Variants in L3MBTL3 observed in about 807,000 individuals in gnomAD.
L3MBTL3 encodes the protein lethal(3)malignant brain tumor-like protein 3.
L3MBTL3 carries 27 observed loss-of-function variants against 102.3 expected under a neutral mutation model. That is an observed-to-expected ratio of 0.26 (90% CI 0.19 to 0.36). L3MBTL3 has a LOEUF of 0.36. Among genes scored for constraint, L3MBTL3 ranks in the 10% least tolerant of loss-of-function variants. The pLI is 1.00. For missense variants in L3MBTL3, 798 were observed against 955.3 expected, an observed-to-expected ratio of 0.84 and a Z score of 2.17; for synonymous variants, 340 against 320.9, an observed-to-expected ratio of 1.06 and a Z score of -0.64.
chr6:130,131,766 G>T (rs971784344), intron 20 of L3MBTL3, among the ~76,000 whole-genome samples: 3 of 152,194 alleles, frequency 2.0e-5, no homozygotes, highest in African/African-American at 7.2e-5. Flanking sequence ...TCCTGATGTT[G>T]ACATGACAAT....
intron 9 of L3MBTL3, 106 bp downstream of exon 9, chr6:130,057,603 C>T (rs1341855296): frequency 1.1e-6 from 1 of 930,990 alleles, no homozygotes; most frequent in South Asian, 1.5e-5. Flanking sequence ...ATCATTTTCT[C>T]AGCATACAGT....
intron 2 of L3MBTL3, among the ~76,000 whole-genome samples, chr6:130,036,954 T>C (rs1410780203): frequency 1.3e-5 from 2 of 152,206 alleles, no homozygotes; most frequent in South Asian, 2.1e-4. Context: ...GTTCAAATGG[T>C]GGCCATGCTA....
At chr6:130,105,791 A>C (rs1172810620) in intron 19 of L3MBTL3, among the ~76,000 whole-genome samples, 1 of 152,234 alleles carries the variant, frequency 6.6e-6, no homozygotes, top group East Asian at 1.9e-4. Flanking sequence ...AAGTATCAAC[A>C]GAATACTCAG....
intron 1 of L3MBTL3, chr6:130,019,269 AGCCCAGGC>A (rs895423823): frequency 1.3e-4 from 18 of 137,528 alleles, no homozygotes; most frequent in Non-Finnish European, 1.6e-5. Flanking sequence ...GCGGAGCCGC[AGCCCAGGC>A]GGCGAGCGCG....
intron 2 of L3MBTL3, among the ~76,000 whole-genome samples, chr6:130,023,102 G>T (rs917999016): frequency 6.6e-6 from 1 of 151,004 alleles, no homozygotes; most frequent in Non-Finnish European, 1.5e-5. Context: ...TTTTCTGCCT[G>T]TTTTCCTGCC....
At chr6:130,071,481 A>G (rs563380458) in intron 13 of L3MBTL3, among the ~76,000 whole-genome samples, 1 of 152,132 alleles carries the variant, frequency 6.6e-6, no homozygotes, top group African/African-American at 2.4e-5. Context: ...ATTGAAGAAT[A>G]TTATTTTTAA....
chr6:130,108,295 C>T (rs62432047), intron 19 of L3MBTL3, among the ~76,000 whole-genome samples: 3,415 of 127,802 alleles, frequency 0.027, 64 homozygotes, highest in Admixed American at 0.038. Context: ...AGTGCAGTGG[C>T]GTGATCTTGG....
In L3MBTL3 at chr6:130,055,261, C is replaced by A; in HGVS notation, c.667+6C>A. 2 of 1,604,524 alleles carry A rather than the reference C, an allele frequency of 1.2e-6. No homozygotes were observed. The highest frequency in any genetic ancestry group is 2.2e-5 in the South Asian group (2 of 89,512). ...TTCGGCTGTACTAAAGCAGGGTGAGCTGATGAAAATAAAGTCTTACTTGTA... is the reference window on the plus strand; with the variant it reads ...TTCGGCTGTACTAAAGCAGGGTGAGATGATGAAAATAAAGTCTTACTTGTA... On this transcript the variant is annotated splice_donor_region_variant and intron_variant, in intron 8 of 22. Coordinates refer to ENST00000361794, the MANE Select transcript of L3MBTL3 (RefSeq NM_032438.4).
In L3MBTL3 at chr6:130,070,990, G is replaced by C. The variant is rs560895307; in HGVS notation, c.1107G>C (p.Ser369=). 3.1e-6 allele frequency: 5 copies of C among 1,612,720 alleles called. No homozygotes were observed. The highest frequency in any genetic ancestry group is 1.3e-5 in the African/African-American group (1 of 74,674). ...TGTTTCCATAGACAGTGATCCCATC[G>C]GGCTTTCGAGTTGGTATGAAGCTTG... The part of the protein sequence containing the change: ...FENQNITVIP[S]GFRVGMKLEA... Residue 369 remains serine, a synonymous_variant, in exon 13 of 23, where the codon TCG becomes TCC. Transcript: ENST00000361794.
intron 13 of L3MBTL3, among the ~76,000 whole-genome samples, chr6:130,074,255 A>G (rs1273726693): frequency 6.6e-6 from 1 of 152,204 alleles, no homozygotes; most frequent in Non-Finnish European, 1.5e-5. Flanking sequence ...TTTAGTTGCA[A>G]TAAAACATTT....
intron 18 of L3MBTL3, among the ~76,000 whole-genome samples, chr6:130,097,447 T>G (rs1784427921): frequency 6.6e-6 from 1 of 152,238 alleles, no homozygotes; most frequent in Admixed American, 6.5e-5. Flanking sequence ...TTGTTTTGAC[T>G]AGCGTTTGTT....
chr6:130,026,226 G>A (rs1206768185), intron 2 of L3MBTL3, among the ~76,000 whole-genome samples: 1 of 152,108 alleles, frequency 6.6e-6, no homozygotes, highest in Non-Finnish European at 1.5e-5. Context: ...TACTTTGAGT[G>A]CTTTCTGTAT....
At chr6:130,066,069 A>G (rs1178134680) in intron 10 of L3MBTL3, among the ~76,000 whole-genome samples, 1 of 152,112 alleles carries the variant, frequency 6.6e-6, no homozygotes, top group East Asian at 1.9e-4. Flanking sequence ...GAGTGGAGAA[A>G]GGACCTGCAA....
intron 2 of L3MBTL3, among the ~76,000 whole-genome samples, chr6:130,034,560 T>A (rs1779929056): frequency 6.6e-6 from 1 of 152,242 alleles, no homozygotes; most frequent in Non-Finnish European, 1.5e-5. Flanking sequence ...CTGAAACTTC[T>A]GTTTTGTGGC....
At chr6:130,100,977 G>A (rs569940379) in intron 18 of L3MBTL3, among the ~76,000 whole-genome samples, 1 of 152,250 alleles carries the variant, frequency 6.6e-6, no homozygotes, top group African/African-American at 2.4e-5. Flanking sequence ...TTTAATAATT[G>A]TAAGGCCAAG....
In L3MBTL3 at chr6:130,095,204, G is replaced by T. The variant is rs567199040; in HGVS notation, c.1736+837G>T. Reference sequence around the variant, plus strand: ...TGCCCACTAAGCAAAATGATTCCTTGTTTATCTAGTTTGTACAGGTTGTGA... The same window carrying T: ...TGCCCACTAAGCAAAATGATTCCTTTTTTATCTAGTTTGTACAGGTTGTGA... On this transcript the variant is annotated intron_variant, in intron 18 of 22. Transcript: ENST00000361794. Among the ~76,000 whole-genome samples the T allele has an allele frequency of 4.6e-5, 7 of 152,160 alleles. No individual in the cohort carries two copies. The South Asian group carries it at 1.5e-3, about 32-fold the overall frequency.
At chr6:130,117,848 T>TGCCA (rs935141748) in intron 19 of L3MBTL3, among the ~76,000 whole-genome samples, 5 of 146,218 alleles carry the variant, frequency 3.4e-5, no homozygotes, top group African/African-American at 1.3e-4. Flanking sequence ...TACAGGCGCA[T>TGCCA]GCCAGCACGC....
At chr6:130,020,802 G>C (rs988650276) in intron 1 of L3MBTL3, 1 of 151,198 alleles carries the variant, frequency 6.6e-6, no homozygotes, top group Non-Finnish European at 1.5e-5. Context: ...TTCCTCGGGC[G>C]CTGTGAGCAC....
intron 6 of L3MBTL3, among the ~76,000 whole-genome samples, chr6:130,051,703 T>G (rs1781102865): frequency 6.6e-6 from 1 of 152,240 alleles, no homozygotes; most frequent in Admixed American, 6.5e-5. Context: ...ATTTAGTTTT[T>G]TCTGGGCTAT....
Sources: gnomAD v4.1 joint callset for allele counts (sites outside exome capture counted in the v4.1 genomes callset) on GRCh38, gnomAD v4.1.1 for gene constraint, MANE v1.5 for transcripts, NCBI Gene and HGNC (gene_info 2026-07-23, HGNC 2026-07-21) for gene names.